The following CDK12 variants were observed in gnomAD, a reference collection of about 807,000 sequenced individuals.
CDK12 encodes cyclin-dependent kinase 12.
CDK12 carries 17 observed loss-of-function variants against 133.8 expected under a neutral mutation model. The observed-to-expected ratio is 0.13, with a 90% CI of 0.09 to 0.19. The LOEUF (loss-of-function observed/expected upper bound fraction) is 0.19, where lower values mean the gene tolerates loss of function less well. Among genes scored for constraint, CDK12 ranks in the 10% least tolerant of loss-of-function variants. The pLI, the probability that CDK12 is intolerant of heterozygous loss-of-function variation, is 1.00. For missense variants in CDK12, 1,508 were observed against 1,818.7 expected (o/e 0.83, Z 3.11); for synonymous variants, 694 against 683.6 (o/e 1.02, Z -0.24).
chr17:39,475,709 C>T (rs1398155807), intron 2 of CDK12, among the ~76,000 whole-genome samples: 2 of 151,688 alleles, frequency 1.3e-5, no homozygotes, highest in East Asian at 3.9e-4. Context: ...CCACGCCCAG[C>T]TAATTTTTTG....
chr17:39,532,348 G>C lies in CDK12; in HGVS notation c.*1032G>C. 4.3e-6 allele frequency: 1 copy of C among 233,252 alleles called. No homozygotes were observed. Among genetic ancestry groups the C allele is most frequent in the East Asian group, 6.0e-5 (1 of 16,702 alleles). 14.4% of individuals were successfully genotyped at this position (233,252 alleles called of 1,614,324 possible). A position where few individuals can be genotyped will look rare whatever the true frequency, so the allele number is the denominator to read the frequency against. ...CATGTTCTGATGGGGAAGTTGATTTGTAAGTGTGGACAGCTTGGACATTGC... is the reference window on the plus strand; with the variant it reads ...CATGTTCTGATGGGGAAGTTGATTTCTAAGTGTGGACAGCTTGGACATTGC... On this transcript the variant is annotated 3_prime_UTR_variant, in exon 14 of 14. Coordinates refer to ENST00000447079, the MANE Select transcript of CDK12 (RefSeq NM_016507.4).
chr17:39,470,121 ATTTAGT>A (rs1765313948), intron 1 of CDK12, among the ~76,000 whole-genome samples: 2 of 151,018 alleles, frequency 1.3e-5, no homozygotes, highest in Admixed American at 1.3e-4. Context: ...TTCATGTAGG[ATTTAGT>A]TTAATCTATT....
chr17:39,490,669 C>T lies in CDK12; in HGVS notation c.2044C>T (p.Pro682Ser), dbSNP rs752842916. The T allele has an allele frequency of 2.5e-6, 4 of 1,613,384 alleles. No individual in the cohort carries two copies. In the South Asian group the frequency reaches 3.3e-5, roughly 13 times the overall value. The change falls in exon 3 of 14, where the codon CCC becomes TCC. Residue 682 changes from proline to serine, a missense_variant. Physicochemically the swap from Pro to Ser is moderately conservative, Grantham distance 74. Coordinates refer to ENST00000447079, the MANE Select transcript of CDK12 (RefSeq NM_016507.4). ...AGAGCTCCCTGGTGGAGATCTGTCT[C>T]CCCCAGACTCTCCAGAACCAAAGGC... ...PPELPGGDLS[P>S]PDSPEPKAIT... is the part of the protein sequence containing the mutation.
intron 2 of CDK12, among the ~76,000 whole-genome samples, chr17:39,487,743 T>C (rs2051255611): frequency 6.6e-6 from 1 of 151,506 alleles, no homozygotes; most frequent in South Asian, 2.1e-4. Flanking sequence ...CACAAGTAGC[T>C]GGAACTACAG....
downstream of CDK12, among the ~76,000 whole-genome samples, chr17:39,536,162 T>G (rs1447449509): frequency 6.6e-6 from 1 of 152,184 alleles, no homozygotes; most frequent in African/African-American, 2.4e-5. Flanking sequence ...TGTACGCAAC[T>G]GTCTCTCCAT....
At chr17:39,554,485 T>C (rs995254265) in intron 2 of CDK12, among the ~76,000 whole-genome samples, 1 of 151,812 alleles carries the variant, frequency 6.6e-6, no homozygotes, top group Non-Finnish European at 1.5e-5. Context: ...GGTAACGGGG[T>C]TTGAGGTCAC....
At chr17:39,515,651 A>G (rs1460463473) in intron 8 of CDK12, 80 bp from the exon 9 acceptor site, 2 of 842,750 alleles carry the variant, frequency 2.4e-6, no homozygotes, top group East Asian at 2.5e-5. Flanking sequence ...CCGACATATC[A>G]ATAATGTAAA....
chr17:39,482,801 C>T (rs1015701429), intron 2 of CDK12, among the ~76,000 whole-genome samples: 1 of 151,556 alleles, frequency 6.6e-6, no homozygotes, highest in Non-Finnish European at 1.5e-5. Flanking sequence ...GGGGTTATGC[C>T]ATATTGGCTA....
chr17:39,545,315 G>A (rs144551393), upstream of CDK12, among the ~76,000 whole-genome samples: 1,404 of 151,994 alleles, frequency 9.2e-3, 19 homozygotes, highest in African/African-American at 0.032. Flanking sequence ...ATCCTCCTGA[G>A]TAGCTGGGAC....
intron 3 of CDK12, among the ~76,000 whole-genome samples, chr17:39,491,566 C>T (rs2051605741): frequency 6.6e-6 from 1 of 151,940 alleles, no homozygotes; most frequent in Admixed American, 6.6e-5. Flanking sequence ...TAGCATGTAG[C>T]GATTAATTTC....
intron 2 of CDK12, among the ~76,000 whole-genome samples, chr17:39,551,636 G>A (rs1455715647): frequency 6.6e-6 from 1 of 152,138 alleles, no homozygotes; most frequent in Non-Finnish European, 1.5e-5. Context: ...TAAATTCAAG[G>A]CCCTGAAGGC....
chr17:39,504,432 G>A (rs112736824), intron 6 of CDK12, among the ~76,000 whole-genome samples: 4 of 152,290 alleles, frequency 2.6e-5, no homozygotes, highest in African/African-American at 9.6e-5. Context: ...GTCAGATGAT[G>A]CAGGCAAATT....
At chr17:39,528,314 A>T (rs1047939992) in intron 13 of CDK12, among the ~76,000 whole-genome samples, 5 of 151,938 alleles carry the variant, frequency 3.3e-5, no homozygotes, top group South Asian at 2.1e-4. Context: ...AAGAAGTATT[A>T]GGCTTACTTT....
At chr17:39,496,174 G>C (rs1216273978) in intron 5 of CDK12, among the ~76,000 whole-genome samples, 7 of 152,102 alleles carry the variant, frequency 4.6e-5, no homozygotes, top group Admixed American at 1.3e-4. Flanking sequence ...GCCTGCCAAA[G>C]AGCAGGGATG....
chr17:39,491,184 CTT>C (rs779541520), intron 3 of CDK12, among the ~76,000 whole-genome samples: 2 of 152,054 alleles, frequency 1.3e-5, no homozygotes, highest in African/African-American at 4.8e-5. Flanking sequence ...GCATTTCTCT[CTT>C]AATAATAAAA....
downstream of CDK12, among the ~76,000 whole-genome samples, chr17:39,565,173 G>A (rs1441936335): frequency 6.6e-6 from 1 of 152,226 alleles, no homozygotes; most frequent in Non-Finnish European, 1.5e-5. Flanking sequence ...GAGTGCAGTG[G>A]TGTAATCTCG....
downstream of CDK12, chr17:39,534,775 A>AT (rs912140018): frequency 8.7e-5 from 15 of 172,512 alleles, no homozygotes; most frequent in South Asian, 2.0e-4. Context: ...ATGAAATGTG[A>AT]TTTTTTTAAA....
At chr17:39,537,395 A>G, downstream of CDK12, among the ~76,000 whole-genome samples, 1 of 152,116 alleles carries the variant, frequency 6.6e-6, no homozygotes, top group East Asian at 1.9e-4. Context: ...GTTTGGCCTT[A>G]TACTAGTGTT....
At chr17:39,473,070 C>T (rs140385867) in intron 2 of CDK12, among the ~76,000 whole-genome samples, 2,271 of 150,628 alleles carry the variant, frequency 0.015, 58 homozygotes, top group African/African-American at 0.052. Flanking sequence ...AGCGAGACTC[C>T]GTCTTAAAAA....
Sources: gnomAD v4.1 joint callset for allele counts (sites outside exome capture counted in the v4.1 genomes callset) on GRCh38, gnomAD v4.1.1 for gene constraint, MANE v1.5 for transcripts, NCBI Gene and HGNC (gene_info 2026-07-23, HGNC 2026-07-21) for gene names.